Variants in ZNF143 observed in about 807,000 individuals in gnomAD.
The protein encoded by ZNF143 is zinc finger protein 143.
In ZNF143, 49 loss-of-function variants were observed where a neutral mutation model predicts 74.1. The ratio of observed to expected loss-of-function variants is 0.66; its 90% CI spans 0.53 to 0.84. The LOEUF (loss-of-function observed/expected upper bound fraction) is 0.84, where lower values mean the gene tolerates loss of function less well. Among genes scored for constraint, ZNF143 ranks in the 40% least tolerant of loss-of-function variants. The probability of loss-of-function intolerance (pLI) is 0.00; values close to 1 mark genes in which losing one functional copy is unlikely to be tolerated. For synonymous variants in ZNF143, 304 were observed against 282.8 expected, an observed-to-expected ratio of 1.07 and a Z score of -0.75; for missense variants, 637 against 793.4, an observed-to-expected ratio of 0.80 and a Z score of 2.37.
At position 9,494,648 on chromosome 11, in the gene ZNF143, T is replaced by G. The variant is rs1055251429; in HGVS notation, c.648T>G (p.Ile216Met). ...GENEQEKKMQ[I>M]VLQGHATRVT... ...GTAATACTATTTGTTTTATTTAGAT[T>G]GTTTTACAAGGACATGCTACAAGAG... is the stretch of plus-strand genomic sequence containing the variant. The change falls in exon 8 of 16, where the codon ATT (isoleucine) becomes ATG (methionine). Residue 216 changes from isoleucine to methionine, a missense_variant and splice_region_variant. By Grantham distance (10) the Ile-to-Met change is conservative. Transcript: ENST00000396602. The G allele has an allele frequency of 1.2e-6, 2 of 1,613,280 alleles. No homozygotes were observed. Among genetic ancestry groups the G allele is most frequent in the African/African-American group, 2.7e-5 (2 of 74,916 alleles).
chr11:9,526,565 T>G lies in ZNF143; in HGVS notation c.1834-965T>G, dbSNP rs570110813. Among the ~76,000 whole-genome samples the G allele has an allele frequency of 8.6e-5, 13 of 151,886 alleles. No individual in the cohort carries two copies. The South Asian group carries it at 2.3e-3, about 27-fold the overall frequency. On this transcript the variant is annotated intron_variant, in intron 15 of 15. Coordinates refer to ENST00000396602, the MANE Select transcript of ZNF143 (RefSeq NM_003442.6). The stretch of plus-strand genomic sequence containing the variant: ...CTTTTGTTGGCTGAGGTAAGCATCT[T>G]TTGTCTCTTGCATGTATGAATTTTT...
chr11:9,511,389 T>C (rs1219515292), intron 12 of ZNF143, among the ~76,000 whole-genome samples: 6 of 150,512 alleles, frequency 4.0e-5, no homozygotes, highest in Non-Finnish European at 5.9e-5. Flanking sequence ...CTCCGCCTCC[T>C]AGGTTCACAC....
At chr11:9,492,312 G>T (rs1216020694) in intron 7 of ZNF143, among the ~76,000 whole-genome samples, 1 of 152,060 alleles carries the variant, frequency 6.6e-6, no homozygotes, top group African/African-American at 2.4e-5. Context: ...GGGTTTCGCT[G>T]TGTTGGCAAG....
At position 9,528,405 on chromosome 11, in the gene ZNF143, T is replaced by G. The variant is rs1849198836; in HGVS notation, c.*792T>G. 3 of 152,230 alleles carry G rather than the reference T, an allele frequency of 2.0e-5. No homozygotes were observed. The highest frequency in any genetic ancestry group is 4.4e-5 in the Non-Finnish European group (3 of 68,042). The allele number at this position is 152,230 out of a possible 1,614,324, so 9.4% of individuals were successfully genotyped here. A position where few individuals can be genotyped will look rare whatever the true frequency, so the allele number is the denominator to read the frequency against. On this transcript the variant is annotated 3_prime_UTR_variant, in exon 16 of 16. Coordinates refer to ENST00000396602, the MANE Select transcript of ZNF143 (RefSeq NM_003442.6). ...ACTGTAATTGGAAATGGCTTTACTC[T>G]GAAAATTAGGTTAGTGGGTTGGTGT...
intron 14 of ZNF143, among the ~76,000 whole-genome samples, chr11:9,522,065 C>CA (rs34484384): frequency 0.47 from 45,711 of 97,396 alleles, 9,807 homozygotes; most frequent in Middle Eastern, 0.61. Flanking sequence ...GACCCTGTCT[C>CA]AAAAAAAAAA....
intron 13 of ZNF143, among the ~76,000 whole-genome samples, chr11:9,513,512 C>G (rs1041946589): frequency 6.6e-6 from 1 of 152,208 alleles, no homozygotes; most frequent in Non-Finnish European, 1.5e-5. Flanking sequence ...TATATAACCT[C>G]CCTGTTCCCT....
At chr11:9,501,591 G>T (rs1403131835) in intron 11 of ZNF143, among the ~76,000 whole-genome samples, 1 of 152,180 alleles carries the variant, frequency 6.6e-6, no homozygotes, top group Non-Finnish European at 1.5e-5. Flanking sequence ...GGAGCAGAGA[G>T]GGGAGCAGTC....
At chr11:9,525,080 C>G in intron 14 of ZNF143, 160 bp from the exon 15 acceptor site, 1 of 814,024 alleles carries the variant, frequency 1.2e-6, no homozygotes, top group Non-Finnish European at 1.9e-6. Flanking sequence ...GCCTCAACTT[C>G]CTCAAATAAA....
intron 11 of ZNF143, among the ~76,000 whole-genome samples, chr11:9,504,764 T>A (rs1848295532): frequency 8.9e-6 from 1 of 112,402 alleles, no homozygotes; most frequent in Admixed American, 1.0e-4. Context: ...AACCTCCGCC[T>A]CCTGGGTTCA....
chr11:9,511,102 CTTTTTTTTTTTT>C (rs777285359), intron 12 of ZNF143, among the ~76,000 whole-genome samples: 37 of 70,792 alleles, frequency 5.2e-4, no homozygotes, highest in Admixed American at 4.6e-3. Context: ...TTAACAGCTT[CTTTTTTTTTTTT>C]TTTTTTTTTT....
At chr11:9,525,147 A>G (rs1402380945) in intron 14 of ZNF143, 93 bp from the exon 15 acceptor site, 1 of 1,464,890 alleles carries the variant, frequency 6.8e-7, no homozygotes, top group African/African-American at 1.4e-5. Flanking sequence ...TTCCTTTTCA[A>G]TTTGAAGAAA....
intron 8 of ZNF143, among the ~76,000 whole-genome samples, chr11:9,495,309 C>T (rs934967300): frequency 3.9e-5 from 6 of 152,086 alleles, no homozygotes; most frequent in Non-Finnish European, 8.8e-5. Context: ...GGCGCAGTGG[C>T]AGGTGCCTGT....
chr11:9,496,014 T>G (rs956666311), intron 8 of ZNF143, among the ~76,000 whole-genome samples: 5 of 151,792 alleles, frequency 3.3e-5, no homozygotes, highest in African/African-American at 9.7e-5. Flanking sequence ...TGCTTCTAGT[T>G]TCTCATCACG....
chr11:9,485,401 A>G (rs1291695847), intron 7 of ZNF143, among the ~76,000 whole-genome samples: 2 of 130,740 alleles, frequency 1.5e-5, no homozygotes, highest in Non-Finnish European at 3.1e-5. Flanking sequence ...AGGCTGGAGT[A>G]CAGTGGCACA....
intron 8 of ZNF143, 63 bp downstream of exon 8, chr11:9,494,828 C>A: frequency 1.3e-6 from 2 of 1,504,024 alleles, no homozygotes; most frequent in Non-Finnish European, 1.8e-6. Flanking sequence ...ATACTAAGAT[C>A]ATATTTTTGT....
Position 9,501,213 on chromosome 11 carries a change from T to C in ZNF143, c.1090T>C (p.Cys364Arg). 6.2e-7 allele frequency: 1 copy of C among 1,614,120 alleles called. No individual in the cohort carries two copies. Among genetic ancestry groups the C allele is most frequent in the Non-Finnish European group, 8.5e-7 (1 of 1,180,030 alleles). ...ERPYYCTEPG[C>R]GRAFASATNY... is the part of the protein sequence containing the mutation. ...ACCTTATTACTGCACAGAGCCAGGA[T>C]GTGGGAGGGCATTTGCCAGTGCAAC... The change falls in exon 11 of 16, where the codon TGT becomes CGT. Residue 364 changes from cysteine to arginine, a missense_variant. Cys to Arg is a radical substitution (Grantham distance 180). Around this residue, in one of 2 missense-constraint regions of ZNF143, gnomAD observed 344 missense variants for 485.6 expected, o/e 0.71. Transcript: ENST00000396602.
intron 15 of ZNF143, among the ~76,000 whole-genome samples, chr11:9,526,284 G>T (rs956207592): frequency 6.6e-6 from 1 of 151,344 alleles, no homozygotes; most frequent in African/African-American, 2.4e-5. Flanking sequence ...AGCAAGGGAG[G>T]TTGAGGCTGC....
intron 7 of ZNF143, among the ~76,000 whole-genome samples, chr11:9,484,799 GA>G (rs1319691702): frequency 4.1e-5 from 1 of 24,242 alleles, no homozygotes; most frequent in Non-Finnish European, 7.1e-5. Context: ...CCTGGCCAAA[GA>G]TTTTTTTTTT....
chr11:9,463,233 A>G (rs991901336), intron 1 of ZNF143, among the ~76,000 whole-genome samples: 2 of 152,210 alleles, frequency 1.3e-5, no homozygotes, highest in East Asian at 3.8e-4. Context: ...ACATAATGCT[A>G]TGAACATTTG....
Sources: gnomAD v4.1 joint callset for allele counts (sites outside exome capture counted in the v4.1 genomes callset) on GRCh38, gnomAD v4.1.1 for gene constraint, gnomAD v4.1.1 regional missense constraint, MANE v1.5 for transcripts, NCBI Gene and HGNC (gene_info 2026-07-23, HGNC 2026-07-21) for gene names.